Variants in PPFIBP2 observed in about 807,000 individuals in gnomAD.
PPFIBP2 encodes the protein liprin-beta-2.
A neutral mutation model predicts 118.3 loss-of-function variants in PPFIBP2; 118 were observed. The observed-to-expected ratio is 1.00, with a 90% CI of 0.86 to 1.16. PPFIBP2 has a LOEUF of 1.16. PPFIBP2 is among the 50% of genes most tolerant of loss of function. PPFIBP2 has a pLI of 0.00. For missense variants in PPFIBP2, 1,195 were observed against 1,073.1 expected (o/e 1.11, Z -1.59); for synonymous variants, 414 against 397.4 (o/e 1.04, Z -0.50).
chr11:7,547,663 A>C (rs1230936226), intron 1 of PPFIBP2, among the ~76,000 whole-genome samples: 1 of 151,786 alleles, frequency 6.6e-6, no homozygotes, highest in African/African-American at 2.4e-5. Context: ...ACCTCGGAGC[A>C]GCTCTGTTCC....
intron 1 of PPFIBP2, among the ~76,000 whole-genome samples, chr11:7,517,429 G>T (rs539868776): frequency 6.6e-6 from 1 of 152,192 alleles, no homozygotes; most frequent in Non-Finnish European, 1.5e-5. Flanking sequence ...ATGTTTTAGG[G>T]TGGGAGGTTG....
At chr11:7,592,230 G>A (rs11041465) in intron 3 of PPFIBP2, among the ~76,000 whole-genome samples, 49,543 of 151,976 alleles carry the variant, frequency 0.33, 8,422 homozygotes, top group East Asian at 0.41. Context: ...GGAGGAAGGA[G>A]GTGTTGGGGC....
At chr11:7,603,036 C>A (rs1384951900) in intron 5 of PPFIBP2, among the ~76,000 whole-genome samples, 1 of 152,196 alleles carries the variant, frequency 6.6e-6, no homozygotes, top group Non-Finnish European at 1.5e-5. Context: ...GCCTAAGACA[C>A]AGGCCTAGTA....
chr11:7,620,816 G>A, intron 6 of PPFIBP2, 119 bp from the exon 7 acceptor site: 1 of 721,574 alleles, frequency 1.4e-6, no homozygotes, highest in Non-Finnish European at 2.5e-6. Flanking sequence ...AAAGATTAAA[G>A]CTGTTATGTG....
intron 4 of PPFIBP2, among the ~76,000 whole-genome samples, chr11:7,593,941 G>C (rs1859806489): frequency 1.3e-5 from 2 of 152,174 alleles, no homozygotes; most frequent in South Asian, 4.1e-4. Flanking sequence ...TCAAGGTCTG[G>C]TATGCATCAG....
chr11:7,516,194 G>A (rs111577451), intron 1 of PPFIBP2, among the ~76,000 whole-genome samples: 1 of 152,194 alleles, frequency 6.6e-6, no homozygotes, highest in African/African-American at 2.4e-5. Context: ...CTGGGAGTGT[G>A]GTGGGAAGCA....
intron 7 of PPFIBP2, among the ~76,000 whole-genome samples, chr11:7,621,482 T>C (rs1028444434): frequency 1.3e-5 from 2 of 152,202 alleles, no homozygotes; most frequent in Non-Finnish European, 2.9e-5. Context: ...AACTTCGAAT[T>C]ATTTCTTCAA....
rs764648194 is a variant in PPFIBP2, at chr11:7,653,025, C to T, written c.2438C>T (p.Pro813Leu). ...TPLTTTAKVR[P>L]RKLGFSHFGN... Reference sequence around the variant, plus strand: ...AATCTTGCATTTTCTGTGTTTTAGCCAAGGAAACTAGGATTTTCACACTTC... The same window carrying T: ...AATCTTGCATTTTCTGTGTTTTAGCTAAGGAAACTAGGATTTTCACACTTC... The change falls in exon 24 of 24, where the codon CCA becomes CTA. Residue 813 changes from proline (P) to leucine (L), a missense_variant and splice_region_variant. By Grantham distance (98) the Pro-to-Leu change is moderately conservative (BLOSUM62 -3). Transcript: ENST00000299492. 1.2e-6 allele frequency: 2 copies of T among 1,605,590 alleles called. No individual in the cohort carries two copies. The highest frequency in any genetic ancestry group is 1.3e-5 in the African/African-American group (1 of 74,660).
intron 3 of PPFIBP2, among the ~76,000 whole-genome samples, chr11:7,583,284 TC>T (rs1489283531): frequency 2.0e-5 from 3 of 152,238 alleles, no homozygotes; most frequent in African/African-American, 7.2e-5. Flanking sequence ...GAGGAGCAGC[TC>T]CTTACTTTGG....
In PPFIBP2 at chr11:7,610,387, C is replaced by T. The variant is rs765829137; in HGVS notation, c.583C>T (p.Gln195Ter). 1.2e-6 allele frequency: 2 copies of T among 1,614,012 alleles called. No homozygotes were observed. Among genetic ancestry groups the T allele is most frequent in the Non-Finnish European group, 8.5e-7 (1 of 1,180,000 alleles). Residue 195 changes from glutamine to a stop codon, truncating the protein, a stop_gained, in exon 6 of 24, where the codon CAG becomes TAG. Coordinates refer to ENST00000299492, the MANE Select transcript of PPFIBP2 (RefSeq NM_003621.5). LOFTEE classifies it high-confidence loss of function. ...CAAGCTGGTTGGCATGGAGAAGGAGCAGAGAGAGCAGGAGGAGAAGCAGAG... is the reference window on the plus strand; with the variant it reads ...CAAGCTGGTTGGCATGGAGAAGGAGTAGAGAGAGCAGGAGGAGAAGCAGAG... Reference protein sequence around the residue: ...KLKLVGMEKEQREQEEKQRKA... With the variant: ...KLKLVGMEKE
rs775801705 is a variant in PPFIBP2, at chr11:7,565,670, T to C, written c.182T>C (p.Leu61Ser). The change falls in exon 3 of 24, where the codon TTG becomes TCG. Residue 61 changes from leucine to serine, a missense_variant. Coordinates refer to ENST00000299492, the MANE Select transcript of PPFIBP2 (RefSeq NM_003621.5). Reference protein sequence around the residue: ...LHLIEDLRLALEMLELPQERA... With the variant: ...LHLIEDLRLASEMLELPQERA... ...CTCATCGAGGACTTGAGGCTGGCCT[T>C]GGAGATGCTGGAGCTTCCTCAGGAG... 1.4e-5 allele frequency: 22 copies of C among 1,614,198 alleles called. No homozygotes were observed. Among genetic ancestry groups the C allele is most frequent in the Admixed American group, 1.3e-4 (8 of 60,020 alleles).
At chr11:7,559,181 G>C (rs1382137065) in intron 2 of PPFIBP2, among the ~76,000 whole-genome samples, 2 of 152,216 alleles carry the variant, frequency 1.3e-5, no homozygotes, top group Non-Finnish European at 2.9e-5. Context: ...CTTTAGGCTT[G>C]ACTGTAAGTT....
At chr11:7,662,909 C>T in the PPFIBP2 span, among the ~76,000 whole-genome samples, 33,747 of 136,154 alleles carry the variant, frequency 0.25, 4,915 homozygotes, top group Middle Eastern at 0.3. Flanking sequence ...CATCTTCCAT[C>T]ACTGATACCC....
At chr11:7,529,059 A>G (rs4300375) in intron 1 of PPFIBP2, among the ~76,000 whole-genome samples, 67,981 of 151,938 alleles carry the variant, frequency 0.45, 15,719 homozygotes, top group African/African-American at 0.54. Flanking sequence ...CTGCGAGGCA[A>G]TAGTAACCAC....
chr11:7,556,886 G>A (rs1200414458), intron 2 of PPFIBP2, among the ~76,000 whole-genome samples: 1 of 152,044 alleles, frequency 6.6e-6, no homozygotes, highest in Non-Finnish European at 1.5e-5. Flanking sequence ...ATTTATCTTT[G>A]GTGTTCTTCA....
At chr11:7,657,935 A>G (rs907671091), downstream of PPFIBP2, among the ~76,000 whole-genome samples, 8 of 152,158 alleles carry the variant, frequency 5.3e-5, no homozygotes, top group Non-Finnish European at 1.0e-4. Context: ...TGCCAAGGAG[A>G]TCTGTGCTCC....
At chr11:7,541,496 C>T (rs189662072) in intron 1 of PPFIBP2, among the ~76,000 whole-genome samples, 9 of 152,272 alleles carry the variant, frequency 5.9e-5, no homozygotes, top group East Asian at 3.9e-4. Context: ...CCCTTTGGTT[C>T]GCTTATGGGT....
chr11:7,618,583 T>C (rs570732124), intron 6 of PPFIBP2, among the ~76,000 whole-genome samples: 10 of 152,326 alleles, frequency 6.6e-5, no homozygotes, highest in African/African-American at 1.9e-4. Context: ...GCAGGGCCAA[T>C]AATGTCCTCA....
At chr11:7,628,661 A>T (rs1850345416) in intron 9 of PPFIBP2, among the ~76,000 whole-genome samples, 1 of 152,216 alleles carries the variant, frequency 6.6e-6, no homozygotes, top group Non-Finnish European at 1.5e-5. Flanking sequence ...AACTCCTAGC[A>T]CAACAGCCCA....
Sources: allele counts gnomAD v4.1 joint callset (sites outside exome capture counted in the v4.1 genomes callset), GRCh38; gene constraint gnomAD v4.1.1; transcripts MANE v1.5; gene names NCBI Gene and HGNC (gene_info 2026-07-23, HGNC 2026-07-21).